The following ANKFN1 variants were observed in gnomAD, a reference collection of about 807,000 sequenced individuals.
ANKFN1 encodes ankyrin repeat and fibronectin type-III domain-containing protein 1.
In ANKFN1, 74 loss-of-function variants were observed where a neutral mutation model predicts 108.7. That is an observed-to-expected ratio of 0.68 (90% CI 0.56 to 0.83). The LOEUF (loss-of-function observed/expected upper bound fraction) is 0.83, where lower values mean the gene tolerates loss of function less well. Ranked by LOEUF, ANKFN1 falls within the 40% of genes least tolerant of loss-of-function variation. The pLI, the probability that ANKFN1 is intolerant of heterozygous loss-of-function variation, is 0.00. For missense variants in ANKFN1, 1,505 were observed against 1,382.3 expected, an observed-to-expected ratio of 1.09 and a Z score of -1.41; for synonymous variants, 547 against 516.2, an observed-to-expected ratio of 1.06 and a Z score of -0.81.
chr17:56,491,872 G>A (rs2051050435), intron 18 of ANKFN1, among the ~76,000 whole-genome samples: 1 of 152,154 alleles, frequency 6.6e-6, no homozygotes, highest in African/African-American at 2.4e-5. Context: ...GTATGTGTGT[G>A]TATATGTGTG....
intron 4 of ANKFN1, among the ~76,000 whole-genome samples, chr17:56,080,356 A>G (rs1054217999): frequency 1.3e-5 from 2 of 152,230 alleles, no homozygotes; most frequent in African/African-American, 2.4e-5. Flanking sequence ...TGTAATTGGG[A>G]GAAACCAGAG....
intron 16 of ANKFN1, among the ~76,000 whole-genome samples, chr17:56,477,889 G>A (rs778448218): frequency 9.2e-5 from 14 of 151,986 alleles, no homozygotes; most frequent in African/African-American, 2.4e-4. Flanking sequence ...GTACAATGGC[G>A]CAATATCAGC....
intron 4 of ANKFN1, among the ~76,000 whole-genome samples, chr17:56,067,517 C>T (rs1247732481): frequency 6.6e-6 from 1 of 152,132 alleles, no homozygotes; most frequent in African/African-American, 2.4e-5. Context: ...TTCCCCTTCC[C>T]TAAGACCTAA....
At chr17:56,438,081 A>G (rs11079231) in intron 8 of ANKFN1, among the ~76,000 whole-genome samples, 81,664 of 151,636 alleles carry the variant, frequency 0.54, 26,428 homozygotes, top group East Asian at 0.86. Context: ...CCCACACTAG[A>G]AAGGAAAAAA....
chr17:56,120,192 A>C (rs1009940418), intron 4 of ANKFN1, among the ~76,000 whole-genome samples: 2 of 152,160 alleles, frequency 1.3e-5, no homozygotes, highest in African/African-American at 4.8e-5. Context: ...CATTGTCATT[A>C]TCATTCCATA....
intron 3 of ANKFN1, among the ~76,000 whole-genome samples, chr17:56,304,559 A>G (rs1476866480): frequency 6.6e-6 from 1 of 152,232 alleles, no homozygotes; most frequent in Non-Finnish European, 1.5e-5. Flanking sequence ...GTTTTAAAAA[A>G]AATCTCCCAA....
At chr17:56,454,240 C>T (rs1483589288) in intron 11 of ANKFN1, among the ~76,000 whole-genome samples, 1 of 151,988 alleles carries the variant, frequency 6.6e-6, no homozygotes, top group East Asian at 1.9e-4. Flanking sequence ...ATTGCTAAGC[C>T]TTCTATTCGG....
chr17:56,133,325 C>T (rs1907396260), intron 4 of ANKFN1, among the ~76,000 whole-genome samples: 1 of 152,264 alleles, frequency 6.6e-6, no homozygotes, highest in African/African-American at 2.4e-5. Flanking sequence ...TGCACTATGA[C>T]CCCCAAAGTA....
At position 56,094,682 on chromosome 17, in the gene ANKFN1, T is replaced by TG. The variant is rs762960958; in HGVS notation, c.288+48357_288+48358insG. Among the ~76,000 whole-genome samples the TG allele has an allele frequency of 0.015, 1,908 of 130,078 alleles. 208 individuals carry two copies. In the East Asian group the frequency reaches 0.27, roughly 18 times the overall value. 85.3% of individuals were successfully genotyped at this position (130,078 alleles called of 152,430 possible). On this transcript the variant is annotated intron_variant, in intron 4 of 12. Coordinates refer to the ANKFN1 transcript ENST00000635860. Reference sequence around the variant, plus strand: ...CCACGCCCAGCTAATTGGGTTTTTTTTTTTTTTTTTTGTATTTTTAGTAGA... The same window carrying TG: ...CCACGCCCAGCTAATTGGGTTTTTTTGTTTTTTTTTTTGTATTTTTAGTAGA...
At chr17:56,170,973 A>C (rs181340919) in intron 1 of ANKFN1, among the ~76,000 whole-genome samples, 4 of 151,694 alleles carry the variant, frequency 2.6e-5, no homozygotes, top group African/African-American at 9.7e-5. Context: ...TTTTAAACTT[A>C]TCTTGGGGGA....
chr17:56,100,655 G>T (rs1203009220), intron 4 of ANKFN1, among the ~76,000 whole-genome samples: 1 of 152,168 alleles, frequency 6.6e-6, no homozygotes, highest in African/African-American at 2.4e-5. Flanking sequence ...ATCAGAGGAG[G>T]CAGTAGGGTA....
chr17:56,492,476 C>A, intron 19 of ANKFN1, 123 bp downstream of exon 19: 2 of 565,358 alleles, frequency 3.5e-6, no homozygotes, highest in Non-Finnish European at 6.4e-6. Context: ...GTGTAAGTTG[C>A]CTATTGAGTT....
At chr17:56,066,830 T>C (rs1905064311) in intron 4 of ANKFN1, among the ~76,000 whole-genome samples, 1 of 152,186 alleles carries the variant, frequency 6.6e-6, no homozygotes, top group East Asian at 1.9e-4. Context: ...TATTGTCTTT[T>C]TGTAATTGAC....
At chr17:56,084,421 T>C (rs1905283569) in intron 4 of ANKFN1, among the ~76,000 whole-genome samples, 1 of 151,464 alleles carries the variant, frequency 6.6e-6, no homozygotes, top group Non-Finnish European at 1.5e-5. Flanking sequence ...ATTTTCCCTG[T>C]AAGACACATT....
intron 3 of ANKFN1, among the ~76,000 whole-genome samples, chr17:56,309,640 A>C (rs2044949452): frequency 1.3e-5 from 2 of 152,142 alleles, no homozygotes; most frequent in African/African-American, 4.8e-5. Context: ...CAGGGGATAC[A>C]TCCCAAAACC....
chr17:56,158,095 A>G (rs1909284243), intron 1 of ANKFN1, among the ~76,000 whole-genome samples: 1 of 152,196 alleles, frequency 6.6e-6, no homozygotes, highest in African/African-American at 2.4e-5. Context: ...GATCCAATGA[A>G]CAGATGTGCT....
chr17:56,459,923 A>G (rs2145251365), intron 14 of ANKFN1, among the ~76,000 whole-genome samples: 1 of 152,210 alleles, frequency 6.6e-6, no homozygotes, highest in Non-Finnish European at 1.5e-5. Flanking sequence ...TCCTTCCTTG[A>G]CCAGCTTAGA....
At chr17:56,424,285 G>A (rs921572681) in intron 8 of ANKFN1, among the ~76,000 whole-genome samples, 1 of 152,146 alleles carries the variant, frequency 6.6e-6, no homozygotes, top group African/African-American at 2.4e-5. Context: ...CTCTACAACT[G>A]CTGTTTTCGT....
intron 4 of ANKFN1, among the ~76,000 whole-genome samples, chr17:56,127,675 A>G (rs1454339403): frequency 1.3e-5 from 2 of 152,186 alleles, no homozygotes; most frequent in Non-Finnish European, 2.9e-5. Context: ...ATAATGCATT[A>G]GTTTCTCACT....
Sources: allele counts gnomAD v4.1 joint callset (sites outside exome capture counted in the v4.1 genomes callset), GRCh38; gene constraint gnomAD v4.1.1; transcripts MANE v1.5; gene names NCBI Gene and HGNC (gene_info 2026-07-23, HGNC 2026-07-21).